ESRRG: variants seen among roughly 807,000 people sequenced by gnomAD.
ESRRG encodes the protein estrogen related receptor gamma.
Under a neutral mutation model 44.0 loss-of-function variants are expected in ESRRG, and 13 were observed. The observed-to-expected ratio is 0.30, with a 90% CI of 0.19 to 0.47. The LOEUF (loss-of-function observed/expected upper bound fraction) is 0.47, where lower values mean the gene tolerates loss of function less well. ESRRG is among the 20% of genes least tolerant of loss of function. ESRRG has a pLI of 1.00. For synonymous variants in ESRRG, 215 were observed against 214.6 expected, an observed-to-expected ratio of 1.00 and a Z score of -0.02; for missense variants, 395 against 580.6, an observed-to-expected ratio of 0.68 and a Z score of 3.29.
At chr1:217,116,377 A>C (rs2092726953) in intron 1 of ESRRG, among the ~76,000 whole-genome samples, 1 of 152,162 alleles carries the variant, frequency 6.6e-6, no homozygotes, top group African/African-American at 2.4e-5. Flanking sequence ...GATGTGTTTT[A>C]AGAAGAGAGC....
At chr1:216,807,587 G>T (rs917357882) in intron 2 of ESRRG, among the ~76,000 whole-genome samples, 1 of 152,018 alleles carries the variant, frequency 6.6e-6, no homozygotes, top group Non-Finnish European at 1.5e-5. Context: ...GTAATGCAGG[G>T]TAAAGAACCT....
At chr1:216,870,931 C>T (rs1290868007) in intron 2 of ESRRG, among the ~76,000 whole-genome samples, 1 of 151,726 alleles carries the variant, frequency 6.6e-6, no homozygotes, top group Non-Finnish European at 1.5e-5. Context: ...TTTCTAAAAC[C>T]GTGCTCATTG....
intron 3 of ESRRG, among the ~76,000 whole-genome samples, chr1:216,639,206 G>C (rs1284453806): frequency 6.6e-6 from 1 of 152,162 alleles, no homozygotes; most frequent in Admixed American, 6.5e-5. Context: ...AATTCAGTAG[G>C]GTTGTGAAGA....
intron 3 of ESRRG, among the ~76,000 whole-genome samples, chr1:216,575,082 C>T (rs11572758): frequency 6.6e-6 from 1 of 152,032 alleles, no homozygotes; most frequent in Admixed American, 6.6e-5. Flanking sequence ...AATTTTAGTG[C>T]CAGCCTCTGA....
At chr1:217,038,320 C>A (rs2083277212) in intron 1 of ESRRG, among the ~76,000 whole-genome samples, 1 of 152,224 alleles carries the variant, frequency 6.6e-6, no homozygotes, top group South Asian at 2.1e-4. Context: ...GGGGGAGGTT[C>A]TCAAACCTCA....
At chr1:216,939,370 A>AAAAAAAAAC (rs2064814392) in intron 2 of ESRRG, among the ~76,000 whole-genome samples, 1 of 134,042 alleles carries the variant, frequency 7.5e-6, no homozygotes, top group Non-Finnish European at 1.6e-5. Flanking sequence ...AAAAAAAAAA[A>AAAAAAAAAC]CACTTTAAAG....
At chr1:216,710,188 A>G (rs2083311504) in intron 1 of ESRRG, among the ~76,000 whole-genome samples, 1 of 152,146 alleles carries the variant, frequency 6.6e-6, no homozygotes, top group Non-Finnish European at 1.5e-5. Flanking sequence ...TGTTTTTAGT[A>G]CACACTTCGG....
intron 2 of ESRRG, among the ~76,000 whole-genome samples, chr1:216,758,383 C>T (rs1386716734): frequency 6.6e-6 from 1 of 152,068 alleles, no homozygotes; most frequent in African/African-American, 2.4e-5. Context: ...AATGTGGCGG[C>T]ACTCAGGGAG....
intron 1 of ESRRG, among the ~76,000 whole-genome samples, chr1:216,685,580 T>C (rs1332859555): frequency 6.6e-6 from 1 of 152,180 alleles, no homozygotes; most frequent in Non-Finnish European, 1.5e-5. Context: ...GACATTCAAC[T>C]CATAGAAAGT....
At chr1:216,900,174 A>G (rs1358242552) in intron 2 of ESRRG, among the ~76,000 whole-genome samples, 2 of 152,230 alleles carry the variant, frequency 1.3e-5, no homozygotes, top group Non-Finnish European at 2.9e-5. Flanking sequence ...TGGATATCCC[A>G]TAAATAAGTG....
intron 2 of ESRRG, among the ~76,000 whole-genome samples, chr1:216,790,864 C>T (rs1203358513): frequency 6.6e-6 from 1 of 152,098 alleles, no homozygotes; most frequent in Non-Finnish European, 1.5e-5. Flanking sequence ...GGATCTGGGA[C>T]AGCCATCTTG....
At chr1:216,545,877 A>G (rs893147295) in intron 5 of ESRRG, among the ~76,000 whole-genome samples, 3 of 152,092 alleles carry the variant, frequency 2.0e-5, no homozygotes, top group Non-Finnish European at 4.4e-5. Flanking sequence ...CAGAGTGCTC[A>G]TGAAAATATA....
chr1:217,090,527 T>G (rs529243010), upstream of ESRRG: 29 of 152,268 alleles, frequency 1.9e-4, no homozygotes, highest in Admixed American at 1.6e-3. Flanking sequence ...CTTGCATCTC[T>G]CAGTTGCATT....
At chr1:216,527,988 A>T (rs1237399613) in intron 5 of ESRRG, among the ~76,000 whole-genome samples, 1 of 152,078 alleles carries the variant, frequency 6.6e-6, no homozygotes, top group Non-Finnish European at 1.5e-5. Flanking sequence ...CTATGTCTCC[A>T]GCTCCTCAAA....
chr1:216,709,421 G>A (rs2083151261), intron 1 of ESRRG, among the ~76,000 whole-genome samples: 1 of 150,576 alleles, frequency 6.6e-6, no homozygotes, highest in African/African-American at 2.4e-5. Flanking sequence ...TCCTGGATAT[G>A]GCCAAGTCTG....
intron 3 of ESRRG, among the ~76,000 whole-genome samples, chr1:216,636,773 G>A (rs539132421): frequency 3.3e-5 from 5 of 152,182 alleles, no homozygotes; most frequent in Admixed American, 2.6e-4. Flanking sequence ...AGCATTACTT[G>A]TAAAAGCTGG....
chr1:216,717,591 T>C (rs979934700), intron 1 of ESRRG, among the ~76,000 whole-genome samples: 15 of 151,814 alleles, frequency 9.9e-5, no homozygotes, highest in African/African-American at 2.9e-4. Flanking sequence ...GCAATGAATC[T>C]AGGAATTTTA....
At chr1:216,907,236 G>A (rs916334255) in intron 2 of ESRRG, among the ~76,000 whole-genome samples, 1 of 152,140 alleles carries the variant, frequency 6.6e-6, no homozygotes, top group Non-Finnish European at 1.5e-5. Flanking sequence ...GTGAAGGAAG[G>A]AAAAGCCATT....
At chr1:216,779,310 T>C in intron 2 of ESRRG, among the ~76,000 whole-genome samples, 1 of 78,532 alleles carries the variant, frequency 1.3e-5, no homozygotes, top group Non-Finnish European at 2.2e-5. Context: ...ATAAACATTA[T>C]ATTTATAAAT....
Sources: gnomAD v4.1 joint callset for allele counts (sites outside exome capture counted in the v4.1 genomes callset) on GRCh38, gnomAD v4.1.1 for gene constraint, MANE v1.5 for transcripts, NCBI Gene and HGNC (gene_info 2026-07-23, HGNC 2026-07-21) for gene names.